DAB1: variants seen among roughly 807,000 people sequenced by gnomAD.
DAB1 encodes the protein DAB adaptor protein 1, also known as disabled homolog 1.
Under a neutral mutation model 64.6 loss-of-function variants are expected in DAB1, and 15 were observed. The ratio of observed to expected loss-of-function variants is 0.23; its 90% confidence interval spans 0.16 to 0.36. DAB1 has a LOEUF of 0.36. Ranked by LOEUF, DAB1 falls within the 10% of genes least tolerant of loss-of-function variation. DAB1 has a pLI of 1.00. For synonymous variants in DAB1, 235 were observed against 251.9 expected (o/e 0.93, Z 0.64); for missense variants, 596 against 706.7 (o/e 0.84, Z 1.78).
chr1:57,656,000 G>A (rs1646314170), intron 6 of DAB1, among the ~76,000 whole-genome samples: 1 of 152,090 alleles, frequency 6.6e-6, no homozygotes, highest in Non-Finnish European at 1.5e-5. Context: ...CCAATATGAC[G>A]GTCTTAGGAG....
rs111268576 is a variant in DAB1 at position 57,953,768 on chromosome 1, C to G, written n.388-69606G>C. ...GCAGGTGAGAGGAGAGAAAGGTTAG[C>G]CCCTCCCTATTTATCTGCTGGTTGG... On this transcript the variant is annotated intron_variant and non_coding_transcript_variant, in intron 5 of 20. Transcript: ENST00000485760. 2.1e-3 allele frequency among the ~76,000 whole-genome samples: 321 copies of G among 152,256 alleles called. 3 individuals carry two copies. Among genetic ancestry groups the G allele is most frequent in the African/African-American group, 7.4e-3 (307 of 41,536 alleles).
chr1:58,231,913 T>C (rs767185505), intron 4 of DAB1, among the ~76,000 whole-genome samples: 1 of 152,212 alleles, frequency 6.6e-6, no homozygotes, highest in Non-Finnish European at 1.5e-5. Context: ...TATGGGAAAA[T>C]TCAGATTCAC....
intron 5 of DAB1, among the ~76,000 whole-genome samples, chr1:57,894,107 G>A (rs1311100890): frequency 6.6e-6 from 1 of 152,170 alleles, no homozygotes; most frequent in Non-Finnish European, 1.5e-5. Context: ...CCTGTCCCCG[G>A]AAGTATGCCA....
At chr1:58,340,914 G>A (rs914802904) in intron 4 of DAB1, among the ~76,000 whole-genome samples, 1 of 152,142 alleles carries the variant, frequency 6.6e-6, no homozygotes, top group African/African-American at 2.4e-5. Flanking sequence ...GATAAATGTC[G>A]AGAATGTTTG....
chr1:58,088,041 T>A (rs558299771), intron 5 of DAB1, among the ~76,000 whole-genome samples: 1 of 152,352 alleles, frequency 6.6e-6, no homozygotes, highest in African/African-American at 2.4e-5. Context: ...TCTCCCAGCA[T>A]GTGTAGTAAA....
chr1:57,569,318 C>T (rs575496848), intron 7 of DAB1, among the ~76,000 whole-genome samples: 8 of 145,346 alleles, frequency 5.5e-5, no homozygotes, highest in Non-Finnish European at 9.0e-5. Flanking sequence ...GTCACAATAG[C>T]AAAGACTTGG....
chr1:58,216,847 G>A (rs1312613321), intron 4 of DAB1, among the ~76,000 whole-genome samples: 1 of 152,220 alleles, frequency 6.6e-6, no homozygotes, highest in Admixed American at 6.5e-5. Context: ...TTTCAAGGCA[G>A]AAACTGCAGG....
chr1:58,089,310 A>G (rs1395323468), intron 5 of DAB1, among the ~76,000 whole-genome samples: 1 of 152,266 alleles, frequency 6.6e-6, no homozygotes, highest in African/African-American at 2.4e-5. Context: ...GCAAGGGTTA[A>G]ATGAGATAAT....
intron 3 of DAB1, among the ~76,000 whole-genome samples, chr1:58,475,926 T>C (rs1220755777): frequency 6.6e-6 from 1 of 152,114 alleles, no homozygotes; most frequent in Non-Finnish European, 1.5e-5. Context: ...CTTAAAAAAA[T>C]ACAACCTTAA....
intron 1 of DAB1, among the ~76,000 whole-genome samples, chr1:57,842,852 C>T (rs1238855522): frequency 1.3e-5 from 2 of 152,164 alleles, no homozygotes; most frequent in African/African-American, 4.8e-5. Flanking sequence ...CTTAGTGTAC[C>T]TTAAGTGTGC....
chr1:57,984,185 AAAG>A lies in DAB1; in HGVS notation n.388-100026_388-100024del, dbSNP rs1290743654. ...TCAGGGCCCAGGACTAGCTTAAAAA[AAAG>A]AAAGAAAGAAAGAAAGAAAGAAAGA... On this transcript the variant is annotated intron_variant and non_coding_transcript_variant, in intron 5 of 20. Transcript: ENST00000485760. 4.2e-3 allele frequency among the ~76,000 whole-genome samples: 93 copies of A among 22,074 alleles called. 5 individuals carry two copies. The highest frequency in any genetic ancestry group is 0.036 in the South Asian group (30 of 838). The allele number at this position is 22,074 out of a possible 152,430, so 14.5% of individuals were successfully genotyped here.
intron 3 of DAB1, among the ~76,000 whole-genome samples, chr1:58,457,363 G>A (rs542292911): frequency 3.6e-4 from 55 of 152,214 alleles, no homozygotes; most frequent in Middle Eastern, 3.4e-3. Context: ...GGTATTTCGG[G>A]GAGGTAGTGA....
chr1:58,350,164 A>C (rs1043798098), intron 3 of DAB1, among the ~76,000 whole-genome samples: 11 of 152,100 alleles, frequency 7.2e-5, no homozygotes, highest in Admixed American at 5.2e-4. Flanking sequence ...GTGGCATGAG[A>C]TGGTATCTCA....
intron 4 of DAB1, among the ~76,000 whole-genome samples, chr1:58,296,778 G>A (rs1569615458): frequency 6.6e-6 from 1 of 152,190 alleles, no homozygotes; most frequent in East Asian, 1.9e-4. Context: ...ACCCAGGGTG[G>A]AGCAAGACTA....
At chr1:57,606,449 A>G (rs1451271508) in intron 7 of DAB1, among the ~76,000 whole-genome samples, 1 of 123,004 alleles carries the variant, frequency 8.1e-6, no homozygotes, top group Non-Finnish European at 1.6e-5. Context: ...CATATATAAT[A>G]TATATGAAAT....
At chr1:58,096,418 T>G (rs539016587) in intron 5 of DAB1, among the ~76,000 whole-genome samples, 2 of 152,142 alleles carry the variant, frequency 1.3e-5, no homozygotes, top group African/African-American at 2.4e-5. Context: ...GAGGGTGAGA[T>G]TCAATGCATA....
chr1:57,964,089 T>C (rs1239729993), intron 5 of DAB1, among the ~76,000 whole-genome samples: 2 of 152,086 alleles, frequency 1.3e-5, no homozygotes, highest in Non-Finnish European at 2.9e-5. Context: ...AGCAAGGACA[T>C]GGCCTCTGGG....
chr1:57,869,398 T>C (rs527669770), intron 1 of DAB1, among the ~76,000 whole-genome samples: 5 of 151,638 alleles, frequency 3.3e-5, no homozygotes, highest in South Asian at 2.1e-4. Flanking sequence ...GCCTGATAAA[T>C]AGTAGGTACT....
chr1:57,917,742 A>G (rs941424559), intron 5 of DAB1, among the ~76,000 whole-genome samples: 7 of 152,114 alleles, frequency 4.6e-5, no homozygotes, highest in African/African-American at 1.7e-4. Context: ...CTAAGTCAGG[A>G]GTTAACTGTA....
Sources: gnomAD v4.1 joint callset for allele counts (sites outside exome capture counted in the v4.1 genomes callset) on GRCh38, gnomAD v4.1.1 for gene constraint, MANE v1.5 for transcripts, NCBI Gene and HGNC (gene_info 2026-07-23, HGNC 2026-07-21) for gene names.